The following ATP2C2 variants were observed in gnomAD, a reference collection of about 807,000 sequenced individuals.
ATP2C2 encodes the protein ATPase secretory pathway Ca2+ transporting 2, also known as calcium-transporting ATPase type 2C member 2.
Under a neutral mutation model 110.8 loss-of-function variants are expected in ATP2C2, and 171 were observed. That is an observed-to-expected ratio of 1.54 (90% CI 1.36 to 1.75). The LOEUF (loss-of-function observed/expected upper bound fraction) is 1.75. ATP2C2 is among the 40% of genes most tolerant of loss of function. The pLI is 0.00. For synonymous variants in ATP2C2, 804 were observed against 508.4 expected (o/e 1.58, Z -7.82); for missense variants, 1,963 against 1,235.0 (o/e 1.59, Z -8.84).
At chr16:84,372,425 C>T (rs1310098032) in intron 1 of ATP2C2, among the ~76,000 whole-genome samples, 1 of 152,174 alleles carries the variant, frequency 6.6e-6, no homozygotes, top group African/African-American at 2.4e-5. Flanking sequence ...AAGAAATGTA[C>T]TGCAACCCCA....
chr16:84,455,065 G>T, intron 21 of ATP2C2, 81 bp downstream of exon 21: 2 of 1,245,834 alleles, frequency 1.6e-6, no homozygotes, highest in Non-Finnish European at 1.1e-6. Flanking sequence ...CTACTGTGGA[G>T]ATAGAGGGGG....
rs1163772966 is a variant in ATP2C2, at chr16:84,405,178, G to A, written c.261G>A (p.Leu87=). 6.2e-7 allele frequency: 1 copy of A among 1,613,966 alleles called. No individual in the cohort carries two copies. Among genetic ancestry groups the A allele is most frequent in the South Asian group, 1.1e-5 (1 of 91,056 alleles). The change falls in exon 3 of 27, where the codon CTG becomes CTA. Residue 87 remains leucine (L), a synonymous_variant. Coordinates refer to ENST00000262429, the MANE Select transcript of ATP2C2 (RefSeq NM_014861.4). ...LSEFSVTQRR[L]AHGWNEFVAD... ...AGTTCTCGGTGACGCAGCGCCGGCT[G>A]GCCCATGGCTGGAATGAGTTTGTTG...
chr16:84,375,671 C>G (rs996193954), intron 1 of ATP2C2, among the ~76,000 whole-genome samples: 1 of 152,164 alleles, frequency 6.6e-6, no homozygotes, highest in African/African-American at 2.4e-5. Context: ...ATGTATCATT[C>G]AGTGGAAACA....
Position 84,460,807 on chromosome 16 carries a change from C to G in ATP2C2, c.2481+6C>G. ...TCTTTATCTTCTGGAAGGAGGTGAG[C>G]GAGGGTCACCCCGGCCTGTTCTCCA... On this transcript the variant is annotated splice_donor_region_variant and intron_variant, in intron 24 of 26. Transcript: ENST00000262429. The G allele has an allele frequency of 6.2e-7, 1 of 1,608,758 alleles. No individual in the cohort carries two copies. Among genetic ancestry groups the G allele is most frequent in the Non-Finnish European group, 8.5e-7 (1 of 1,176,430 alleles).
chr16:84,422,311 C>G, intron 7 of ATP2C2, 79 bp from the exon 8 acceptor site: 2 of 1,492,798 alleles, frequency 1.3e-6, no homozygotes, highest in Non-Finnish European at 1.8e-6. Context: ...CATGAAGGTG[C>G]TGGTACCATT....
chr16:84,426,495 C>G (rs1461640652), intron 11 of ATP2C2, among the ~76,000 whole-genome samples: 1 of 152,100 alleles, frequency 6.6e-6, no homozygotes, highest in Non-Finnish European at 1.5e-5. Flanking sequence ...AGCAAGGACC[C>G]CAGAGCCAGC....
At chr16:84,448,370 C>G (rs1350979304) in intron 16 of ATP2C2, among the ~76,000 whole-genome samples, 163 bp from the exon 17 acceptor site, 3 of 152,134 alleles carry the variant, frequency 2.0e-5, no homozygotes, top group African/African-American at 7.2e-5. Flanking sequence ...TCTAGAACTT[C>G]GCGAACCTGT....
intron 2 of ATP2C2, among the ~76,000 whole-genome samples, chr16:84,402,609 T>G (rs1187185159): frequency 6.6e-6 from 1 of 152,246 alleles, no homozygotes; most frequent in Non-Finnish European, 1.5e-5. Context: ...AATTTGTGTA[T>G]GGTGAACCAT....
intron 15 of ATP2C2, among the ~76,000 whole-genome samples, chr16:84,442,959 G>T (rs1474684473): frequency 8.5e-5 from 13 of 152,106 alleles, no homozygotes; most frequent in Non-Finnish European, 1.9e-4. Flanking sequence ...GGAGGGGCTG[G>T]TTCCTGGGAA....
intron 26 of ATP2C2, among the ~76,000 whole-genome samples, 156 bp from the exon 27 acceptor site, chr16:84,463,458 T>C (rs691818): frequency 0.94 from 143,076 of 152,142 alleles, 67,627 homozygotes; most frequent in East Asian, 1. Context: ...CATTTTGGAT[T>C]CTGGGTTAGG....
chr16:84,460,156 A>C (rs928134887), intron 23 of ATP2C2: 1 of 203,130 alleles, frequency 4.9e-6, no homozygotes, highest in East Asian at 1.3e-4. Context: ...CTGGGAGCAG[A>C]AGTGGGACCA....
rs370318830 is a variant in ATP2C2 at position 84,398,571 on chromosome 16, T to C, written c.172T>C (p.Cys58Arg). 11 of 1,613,010 alleles carry C rather than the reference T, an allele frequency of 6.8e-6. No individual in the cohort carries two copies. Among genetic ancestry groups the C allele is most frequent in the Non-Finnish European group, 9.3e-6 (11 of 1,179,654 alleles). ...KVTALPPKEA[C>R]KCQKEDLARA... ...GACAGCCCTGCCCCCCAAGGAAGCG[T>C]GCAAATGCCAGAAAGAGGATTTGGC... Residue 58 changes from cysteine to arginine, a missense_variant, in exon 2 of 27, where the codon TGC (cysteine) becomes CGC (arginine). Coordinates refer to ENST00000262429, the MANE Select transcript of ATP2C2 (RefSeq NM_014861.4).
rs143350865 is a variant in ATP2C2, at chr16:84,413,884, C to G, written c.516-1599C>G. 6.6e-5 allele frequency among the ~76,000 whole-genome samples: 10 copies of G among 152,238 alleles called. No homozygotes were observed. The East Asian group carries it at 1.4e-3, about 21-fold the overall frequency. On this transcript the variant is annotated intron_variant, in intron 6 of 26. Coordinates refer to ENST00000262429, the MANE Select transcript of ATP2C2 (RefSeq NM_014861.4). ...CTGGAGAAAGGGCACTGAGGTTATA[C>G]AAGTGGAAGAAATGGGGAGGCCTCG...
At position 84,408,414 on chromosome 16, in the gene ATP2C2, C is replaced by A; in HGVS notation, c.337C>A (p.Pro113Thr). The change falls in exon 4 of 27, where the codon CCC (proline) becomes ACC (threonine). Residue 113 changes from proline to threonine, a missense_variant. Pro to Thr is a conservative substitution (Grantham distance 38). Transcript: ENST00000262429. ...GTTATTTCCTCTTCAGTTTAAGAACCCCCTGATCCTGCTGCTGCTGGGCTC... is the reference window on the plus strand; with the variant it reads ...GTTATTTCCTCTTCAGTTTAAGAACACCCTGATCCTGCTGCTGCTGGGCTC... ...WKKYLDQFKN[P>T]LILLLLGSAL... 1 of 1,613,852 alleles carries A rather than the reference C, an allele frequency of 6.2e-7. No homozygotes were observed. Among genetic ancestry groups the A allele is most frequent in the African/African-American group, 1.3e-5 (1 of 74,982 alleles).
In ATP2C2 at chr16:84,463,768, C is replaced by T. The variant is rs200011337; in HGVS notation, c.*36C>T. The T allele has an allele frequency of 3.1e-4, 484 of 1,552,042 alleles. 1 individual carries two copies. In the East Asian group the frequency reaches 8.2e-3, roughly 26 times the overall value. ...TCCGCGGCACCTTCCCTAATCATCTCGATCTGGTTGTGACTGTGGCCCCTG... is the reference window on the plus strand; with the variant it reads ...TCCGCGGCACCTTCCCTAATCATCTTGATCTGGTTGTGACTGTGGCCCCTG... On this transcript the variant is annotated 3_prime_UTR_variant, in exon 27 of 27. Coordinates refer to ENST00000262429, the MANE Select transcript of ATP2C2 (RefSeq NM_014861.4).
chr16:84,393,280 C>G (rs550060288), intron 1 of ATP2C2, among the ~76,000 whole-genome samples: 1 of 152,176 alleles, frequency 6.6e-6, no homozygotes, highest in Non-Finnish European at 1.5e-5. Context: ...GGCCCCTATG[C>G]ATTCTTAAGG....
intron 1 of ATP2C2, among the ~76,000 whole-genome samples, chr16:84,384,436 G>A (rs1466664917): frequency 6.6e-6 from 1 of 152,176 alleles, no homozygotes; most frequent in Non-Finnish European, 1.5e-5. Context: ...GCACGATACT[G>A]TGTCCTCCTT....
At chr16:84,424,599 T>TTTTTTTTTTTTTTTTTTTTTTTTTGA (rs376880864) in intron 10 of ATP2C2, among the ~76,000 whole-genome samples, 1 of 131,250 alleles carries the variant, frequency 7.6e-6, no homozygotes, top group Non-Finnish European at 1.6e-5. Context: ...TTTTTTTTTT[T>TTTTTTTTTTTTTTTTTTTTTTTTTGA]AACATTTTGG....
Position 84,422,665 on chromosome 16 carries a change from G to A in ATP2C2, c.811G>A (p.Gly271Arg), listed in dbSNP as rs201615601. 5.1e-5 allele frequency: 82 copies of A among 1,613,332 alleles called. 1 individual carries two copies. In the Middle Eastern group the frequency reaches 8.2e-4, roughly 16 times the overall value. ...VIGTGESSQF[G>R]EVFKMMQAEE... ...TGGAACAGGGGAAAGCTCTCAGTTC[G>A]GAGAAGTGTTTAAGATGATGCAGGC... is the stretch of plus-strand genomic sequence containing the variant. The change falls in exon 9 of 27, where the codon GGA (glycine) becomes AGA (arginine). Residue 271 changes from glycine to arginine, a missense_variant. Gly to Arg is a moderately radical substitution (Grantham distance 125). Coordinates refer to ENST00000262429, the MANE Select transcript of ATP2C2 (RefSeq NM_014861.4).
Sources: allele counts gnomAD v4.1 joint callset (sites outside exome capture counted in the v4.1 genomes callset), GRCh38; gene constraint gnomAD v4.1.1; transcripts MANE v1.5; gene names NCBI Gene and HGNC (gene_info 2026-07-23, HGNC 2026-07-21).